THSD7B: variants seen among roughly 807,000 people sequenced by gnomAD.
The protein encoded by THSD7B is thrombospondin type-1 domain-containing protein 7B.
In THSD7B, 138 loss-of-function variants were observed where a neutral mutation model predicts 213.6. The observed-to-expected ratio is 0.65, with a 90% CI of 0.56 to 0.74. The LOEUF (loss-of-function observed/expected upper bound fraction) is 0.74. Among genes scored for constraint, THSD7B ranks in the 30% least tolerant of loss-of-function variants. The probability of loss-of-function intolerance (pLI) is 0.00; values close to 1 mark genes in which losing one functional copy is unlikely to be tolerated. For missense variants in THSD7B, 1,931 were observed against 1,991.5 expected, an observed-to-expected ratio of 0.97 and a Z score of 0.58; for synonymous variants, 742 against 687.0, an observed-to-expected ratio of 1.08 and a Z score of -1.25.
chr2:137,642,612 C>T lies in THSD7B; in HGVS notation c.3924C>T (p.Asn1308=). Residue 1308 remains asparagine (N), a synonymous_variant, in exon 21 of 28, where the codon AAC becomes AAT. Transcript: ENST00000409968. ...CCTGCTACAGCTGGGTCCTTGGCAA[C>T]TGGTCTGCATGTAAATTGGAGGTAG... ...VTPCYSWVLG[N]WSACKLEGGD... is the part of the protein sequence containing the mutation. 1 of 1,613,790 alleles carries T rather than the reference C, an allele frequency of 6.2e-7. No homozygotes were observed. Among genetic ancestry groups the T allele is most frequent in the Non-Finnish European group, 8.5e-7 (1 of 1,179,832 alleles).
rs138485124 is a variant in THSD7B, at chr2:137,220,504, A to G, written c.1724-10540A>G. 6.7e-4 allele frequency among the ~76,000 whole-genome samples: 102 copies of G among 152,354 alleles called. 1 individual carries two copies. Among genetic ancestry groups the G allele is most frequent in the Middle Eastern group, 3.4e-3 (1 of 294 alleles). On this transcript the variant is annotated intron_variant, in intron 7 of 27. Transcript: ENST00000409968. ...CTACCCACCTATAAGAATGACAACAATTCAATAAAGAACAGAAAGAAACTG... is the reference window on the plus strand; with the variant it reads ...CTACCCACCTATAAGAATGACAACAGTTCAATAAAGAACAGAAAGAAACTG...
chr2:137,618,409 C>T lies in THSD7B; in HGVS notation c.3583C>T (p.Leu1195=), dbSNP rs760629629. Reference sequence around the variant, plus strand: ...GCCTGTAGAGTGGAGCACATGCCAGCTGAGTGAAAACGCACCCTGTGGTCA... The same window carrying T: ...GCCTGTAGAGTGGAGCACATGCCAGTTGAGTGAAAACGCACCCTGTGGTCA... ...YNLTEWSTCQ[L]SENAPCGQGV... Residue 1195 remains leucine (L), a synonymous_variant, in exon 19 of 28, where the codon CTG becomes TTG. Transcript: ENST00000409968. 3.1e-6 allele frequency: 5 copies of T among 1,613,704 alleles called. No homozygotes were observed. The highest frequency in any genetic ancestry group is 1.7e-5 in the Admixed American group (1 of 59,918).
At chr2:137,262,928 A>G (rs1293660539) in intron 10 of THSD7B, among the ~76,000 whole-genome samples, 1 of 152,178 alleles carries the variant, frequency 6.6e-6, no homozygotes, top group African/African-American at 2.4e-5. Context: ...AGACACAATG[A>G]GATCAGCTAT....
intron 12 of THSD7B, among the ~76,000 whole-genome samples, chr2:137,373,855 C>A (rs946691084): frequency 6.6e-6 from 1 of 152,062 alleles, no homozygotes; most frequent in Non-Finnish European, 1.5e-5. Context: ...GTCTTTAATC[C>A]ATCTTGAATT....
intron 14 of THSD7B, among the ~76,000 whole-genome samples, chr2:137,436,227 G>T (rs914417786): frequency 3.2e-4 from 49 of 151,964 alleles, no homozygotes; most frequent in Admixed American, 3.0e-3. Context: ...ATTTCTGATA[G>T]ATAATGGTAA....
Position 137,563,122 on chromosome 2 carries a change from TTTCTTGGGTTATG to T in THSD7B, c.3139-95_3139-83del, listed in dbSNP as rs1231878399. 6.0e-6 allele frequency: 8 copies of T among 1,333,804 alleles called. No individual in the cohort carries two copies. In the African/African-American group the frequency reaches 1.2e-4, roughly 20 times the overall value. The allele number at this position is 1,333,804 out of a possible 1,614,324, so 82.6% of individuals were successfully genotyped here. A position where few individuals can be genotyped will look rare whatever the true frequency, so the allele number is the denominator to read the frequency against. On this transcript the variant is annotated intron_variant, in intron 15 of 27. Transcript: ENST00000409968. ...TTTGGCTGTTTGGGCCAGAGTGCAG[TTTCTTGGGTTATG>T]TTCAGCAAGCATTACTAAAAGATAG...
rs531051487 is a variant in THSD7B at position 136,868,479 on chromosome 2, G to A, written c.-35-13665G>A. Among the ~76,000 whole-genome samples the A allele has an allele frequency of 2.0e-5, 3 of 152,156 alleles. No homozygotes were observed. In the South Asian group the frequency reaches 6.2e-4, roughly 32 times the overall value. On this transcript the variant is annotated intron_variant, in intron 1 of 27. Transcript: ENST00000409968. Reference sequence around the variant, plus strand: ...ACTTATTATTTTAATGTCAACTGTAGATACATTTTTCAATAAATTTCTTTG... The same window carrying A: ...ACTTATTATTTTAATGTCAACTGTAAATACATTTTTCAATAAATTTCTTTG...
chr2:137,546,569 T>C (rs1680745241), intron 15 of THSD7B, among the ~76,000 whole-genome samples: 1 of 133,790 alleles, frequency 7.5e-6, no homozygotes. Flanking sequence ...TTTCTCTCTT[T>C]CTTTCTTTTC....
Position 136,850,784 on chromosome 2 carries a change from G to A in THSD7B, c.-35-31360G>A, listed in dbSNP as rs1178372838. ...AATAATGTAGTTTCATGAATATTTT[G>A]TGCTCACTATTGCTTATGTCCTACA... On this transcript the variant is annotated intron_variant, in intron 1 of 27. Transcript: ENST00000409968. Among the ~76,000 whole-genome samples, 3 of 151,626 alleles carry A rather than the reference G, an allele frequency of 2.0e-5. No individual in the cohort carries two copies. The East Asian group carries it at 5.8e-4, about 29-fold the overall frequency.
intron 14 of THSD7B, among the ~76,000 whole-genome samples, chr2:137,412,852 C>T (rs1017871765): frequency 6.7e-6 from 1 of 150,096 alleles, no homozygotes; most frequent in Non-Finnish European, 1.5e-5. Flanking sequence ...CCAATCATTA[C>T]AATGGAGCCT....
chr2:137,115,352 A>C, intron 5 of THSD7B, 59 bp downstream of exon 5: 1 of 1,409,312 alleles, frequency 7.1e-7, no homozygotes, highest in East Asian at 2.7e-5. Flanking sequence ...AATCTCTCCA[A>C]CTCTCCAAGT....
intron 7 of THSD7B, among the ~76,000 whole-genome samples, chr2:137,187,765 C>T (rs934948505): frequency 1.3e-5 from 2 of 152,060 alleles, no homozygotes; most frequent in African/African-American, 2.4e-5. Context: ...TGTTGATAGA[C>T]TATCATATTC....
intron 12 of THSD7B, among the ~76,000 whole-genome samples, chr2:137,319,178 A>G (rs1482679149): frequency 6.6e-6 from 1 of 151,934 alleles, no homozygotes; most frequent in Non-Finnish European, 1.5e-5. Context: ...TTTTTTGAAG[A>G]CAAAAAAAAG....
At chr2:137,651,972 A>G (rs916860084) in intron 21 of THSD7B, among the ~76,000 whole-genome samples, 2 of 152,062 alleles carry the variant, frequency 1.3e-5, no homozygotes, top group South Asian at 2.1e-4. Context: ...GTCGCCGAAG[A>G]TATGGTTTAT....
At chr2:137,582,352 T>G (rs1681599452) in intron 17 of THSD7B, among the ~76,000 whole-genome samples, 1 of 152,212 alleles carries the variant, frequency 6.6e-6, no homozygotes, top group Non-Finnish European at 1.5e-5. Flanking sequence ...ACTTTTTTAT[T>G]ATTATATTTT....
intron 17 of THSD7B, among the ~76,000 whole-genome samples, chr2:137,610,346 C>T (rs949205162): frequency 3.3e-5 from 5 of 152,006 alleles, no homozygotes; most frequent in African/African-American, 1.2e-4. Context: ...AATGACTTTT[C>T]TAGTATTGAG....
At chr2:137,623,948 C>G (rs184627339) in intron 20 of THSD7B, among the ~76,000 whole-genome samples, 1 of 152,098 alleles carries the variant, frequency 6.6e-6, no homozygotes, top group Non-Finnish European at 1.5e-5. Context: ...AAGCTACCAA[C>G]GACTTTCTTC....
At chr2:136,886,674 GA>G (rs1683725447) in intron 2 of THSD7B, among the ~76,000 whole-genome samples, 1 of 152,202 alleles carries the variant, frequency 6.6e-6, no homozygotes, top group African/African-American at 2.4e-5. Flanking sequence ...CCCAGGTTGA[GA>G]AACCCTGAGT....
At chr2:136,974,362 C>T (rs117941975) in intron 2 of THSD7B, among the ~76,000 whole-genome samples, 2,026 of 152,118 alleles carry the variant, frequency 0.013, 32 homozygotes, top group East Asian at 0.074. Context: ...CCCCCCGCCC[C>T]GCACAGGCCC....
Sources: gnomAD v4.1 joint callset for allele counts (sites outside exome capture counted in the v4.1 genomes callset) on GRCh38, gnomAD v4.1.1 for gene constraint, MANE v1.5 for transcripts, NCBI Gene and HGNC (gene_info 2026-07-23, HGNC 2026-07-21) for gene names.